Variants in SYNDIG1 observed in about 807,000 individuals in gnomAD.
SYNDIG1 encodes synapse differentiation inducing 1, also known as synapse differentiation-inducing gene protein 1.
Under a neutral mutation model 19.4 loss-of-function variants are expected in SYNDIG1, and 9 were observed. The ratio of observed to expected loss-of-function variants is 0.46; its 90% CI spans 0.28 to 0.81. The LOEUF (loss-of-function observed/expected upper bound fraction) is 0.81, where lower values mean the gene tolerates loss of function less well. SYNDIG1 is among the 30% of genes least tolerant of loss of function. The probability of loss-of-function intolerance (pLI) is 0.12; values close to 1 mark genes in which losing one functional copy is unlikely to be tolerated. For missense variants in SYNDIG1, 311 were observed against 343.3 expected (o/e 0.91, Z 0.74); for synonymous variants, 141 against 145.9 (o/e 0.97, Z 0.24).
At chr20:24,474,780 G>C (rs1166579290) in intron 1 of SYNDIG1, among the ~76,000 whole-genome samples, 1 of 152,238 alleles carries the variant, frequency 6.6e-6, no homozygotes, top group Non-Finnish European at 1.5e-5. Flanking sequence ...AACAAGTTCA[G>C]TTGTAATCTA....
intron 1 of SYNDIG1, among the ~76,000 whole-genome samples, chr20:24,489,310 G>A (rs1010697231): frequency 4.1e-5 from 6 of 144,964 alleles, no homozygotes; most frequent in East Asian, 2.1e-4. Flanking sequence ...GCAGGCACAC[G>A]CAGACACATG....
chr20:24,587,662 G>A (rs986601962), intron 3 of SYNDIG1, among the ~76,000 whole-genome samples: 1 of 152,208 alleles, frequency 6.6e-6, no homozygotes, highest in African/African-American at 2.4e-5. Flanking sequence ...CTGGGAGTGC[G>A]AAGCCCAGGA....
chr20:24,617,975 T>C (rs537636233), intron 3 of SYNDIG1, among the ~76,000 whole-genome samples: 2 of 44,876 alleles, frequency 4.5e-5, no homozygotes, highest in African/African-American at 1.8e-4. Flanking sequence ...GGGTGGGGGC[T>C]GAAGTCTGGA....
chr20:24,559,819 T>C (rs989630003), intron 2 of SYNDIG1, among the ~76,000 whole-genome samples: 3 of 152,170 alleles, frequency 2.0e-5, no homozygotes, highest in African/African-American at 7.2e-5. Flanking sequence ...CATTGTTTCA[T>C]ATAAATAAGA....
chr20:24,508,316 C>T (rs2056654537), intron 1 of SYNDIG1, among the ~76,000 whole-genome samples: 1 of 147,620 alleles, frequency 6.8e-6, no homozygotes, highest in Non-Finnish European at 1.5e-5. Context: ...GCAACCTCCA[C>T]CTCCCGGGTT....
chr20:24,556,925 C>T (rs887341049), intron 2 of SYNDIG1, among the ~76,000 whole-genome samples: 56 of 152,262 alleles, frequency 3.7e-4, no homozygotes, highest in Non-Finnish European at 5.4e-4. Context: ...CCATTCTCCC[C>T]GTCACTTTCA....
At chr20:24,549,186 G>A (rs1343182746) in intron 2 of SYNDIG1, among the ~76,000 whole-genome samples, 3 of 152,170 alleles carry the variant, frequency 2.0e-5, no homozygotes, top group East Asian at 3.9e-4. Context: ...CTGTAATTTT[G>A]TATGTTTTAA....
At chr20:24,643,562 C>T (rs1276841104) in intron 3 of SYNDIG1, among the ~76,000 whole-genome samples, 1 of 152,240 alleles carries the variant, frequency 6.6e-6, no homozygotes, top group Non-Finnish European at 1.5e-5. Context: ...AGTCTCCACT[C>T]GTTTCCAGGG....
intron 1 of SYNDIG1, among the ~76,000 whole-genome samples, chr20:24,479,552 T>G (rs957639643): frequency 1.3e-5 from 2 of 152,116 alleles, no homozygotes; most frequent in African/African-American, 4.8e-5. Flanking sequence ...TGATACTCAG[T>G]AACCCAGGAA....
chr20:24,517,951 G>A (rs1291254610), intron 1 of SYNDIG1, among the ~76,000 whole-genome samples: 3 of 151,062 alleles, frequency 2.0e-5, no homozygotes, highest in Non-Finnish European at 2.9e-5. Context: ...GACAACAGGC[G>A]CCCGCCAACA....
intron 1 of SYNDIG1, among the ~76,000 whole-genome samples, chr20:24,490,888 G>A (rs1194896216): frequency 1.3e-5 from 2 of 152,230 alleles, no homozygotes; most frequent in Non-Finnish European, 2.9e-5. Flanking sequence ...ACCAGTGTGA[G>A]TGGAGGTGGA....
chr20:24,617,096 A>G (rs1003076613), intron 3 of SYNDIG1, among the ~76,000 whole-genome samples: 6 of 152,130 alleles, frequency 3.9e-5, no homozygotes, highest in African/African-American at 1.4e-4. Flanking sequence ...GGAGGTTTAC[A>G]TAACAGACAG....
At chr20:24,531,252 T>C (rs1225661685) in intron 1 of SYNDIG1, among the ~76,000 whole-genome samples, 1 of 152,188 alleles carries the variant, frequency 6.6e-6, no homozygotes, top group Non-Finnish European at 1.5e-5. Flanking sequence ...AGTTTTCTAA[T>C]TAGCCACACA....
At chr20:24,475,105 A>G (rs1017920385) in intron 1 of SYNDIG1, among the ~76,000 whole-genome samples, 3 of 152,178 alleles carry the variant, frequency 2.0e-5, no homozygotes, top group Non-Finnish European at 4.4e-5. Context: ...GCAGTTTTTA[A>G]CTTCCTCCTA....
chr20:24,544,554 A>G (rs980911407), intron 2 of SYNDIG1, among the ~76,000 whole-genome samples: 1 of 152,194 alleles, frequency 6.6e-6, no homozygotes, highest in Non-Finnish European at 1.5e-5. Context: ...GATCGTGGCC[A>G]GCAGCTGGGG....
intron 1 of SYNDIG1, among the ~76,000 whole-genome samples, chr20:24,517,623 A>T (rs570324078): frequency 1.9e-3 from 282 of 145,088 alleles, no homozygotes; most frequent in Non-Finnish European, 3.3e-3. Flanking sequence ...TGTGTCAAAA[A>T]AAAAAAGTAT....
intron 1 of SYNDIG1, among the ~76,000 whole-genome samples, chr20:24,512,649 T>G (rs966640312): frequency 1.3e-5 from 2 of 151,998 alleles, no homozygotes; most frequent in Non-Finnish European, 2.9e-5. Context: ...AAGCTCAAAT[T>G]GGGTGGAGCT....
chr20:24,660,560 T>C (rs548373888), intron 3 of SYNDIG1, among the ~76,000 whole-genome samples: 16 of 152,218 alleles, frequency 1.1e-4, no homozygotes, highest in Non-Finnish European at 1.9e-4. Flanking sequence ...TCTGCCCCTG[T>C]GGACAAGGTG....
At chr20:24,470,886 C>T (rs767763822) in intron 1 of SYNDIG1, among the ~76,000 whole-genome samples, 30 of 152,000 alleles carry the variant, frequency 2.0e-4, no homozygotes, top group African/African-American at 5.6e-4. Flanking sequence ...CTGGCTCGGA[C>T]CGATGCCTGC....
Sources: allele counts gnomAD v4.1 joint callset (sites outside exome capture counted in the v4.1 genomes callset), GRCh38; gene constraint gnomAD v4.1.1; transcripts MANE v1.5; gene names NCBI Gene and HGNC (gene_info 2026-07-23, HGNC 2026-07-21).